The following TMEM42 variants were observed in gnomAD, a reference collection of about 807,000 sequenced individuals.
TMEM42 encodes transmembrane protein 42.
In TMEM42, 8 loss-of-function variants were observed where a neutral mutation model predicts 14.0. That is an observed-to-expected ratio of 0.57 (90% confidence interval 0.34 to 1.03). TMEM42 has a LOEUF of 1.03. Ranked by LOEUF, TMEM42 falls within the 50% of genes least tolerant of loss-of-function variation. TMEM42 has a pLI of 0.03. For synonymous variants in TMEM42, 115 were observed against 94.3 expected (o/e 1.22, Z -1.27); for missense variants, 211 against 219.8 (o/e 0.96, Z 0.25).
At chr3:44,864,735 C>T (rs1458770550) in intron 2 of TMEM42, among the ~76,000 whole-genome samples, 3 of 152,070 alleles carry the variant, frequency 2.0e-5, no homozygotes, top group Non-Finnish European at 2.9e-5. Context: ...TGGAGCTGAG[C>T]GTAGTCAATC....
chr3:44,863,942 T>C (rs778086800), intron 1 of TMEM42: 4 of 503,626 alleles, frequency 7.9e-6, no homozygotes, highest in Non-Finnish European at 1.1e-5. Context: ...GCATTTTGCT[T>C]CTTCCCAAGA....
At chr3:44,863,765 C>T (rs995294422) in intron 1 of TMEM42, 1 of 180,570 alleles carries the variant, frequency 5.5e-6, no homozygotes, top group Non-Finnish European at 1.2e-5. Flanking sequence ...ACAGAGCAGA[C>T]ATTGCTAATT....
chr3:44,864,375 C>A (rs761901692), intron 2 of TMEM42, 32 bp downstream of exon 2: 1 of 1,613,182 alleles, frequency 6.2e-7, no homozygotes, highest in Non-Finnish European at 8.5e-7. Context: ...TGCTCTTGTC[C>A]TAAATCTGGG....
intron 2 of TMEM42, 117 bp from the exon 3 acceptor site, chr3:44,864,923 A>G (rs1699303851): frequency 7.2e-7 from 1 of 1,386,968 alleles, no homozygotes. Flanking sequence ...TTCAAGCCCA[A>G]GGCTTCTGGC....
Position 44,864,353 on chromosome 3 carries a change from C to T in TMEM42, c.339+10C>T. On this transcript the variant is annotated intron_variant, in intron 2 of 2. Coordinates refer to ENST00000302392, the MANE Select transcript of TMEM42 (RefSeq NM_144638.3). ...AAATATCCTCAGCTCGGTGAGTAGC[C>T]TGAGGGTGTGGTGCTCTTGTCCTAA... 1 of 1,614,012 alleles carries T rather than the reference C, an allele frequency of 6.2e-7. No homozygotes were observed. The highest frequency in any genetic ancestry group is 8.5e-7 in the Non-Finnish European group (1 of 1,179,986).
At position 44,861,939 on chromosome 3, in the gene TMEM42, G is replaced by T; in HGVS notation, c.15G>T (p.Pro5=). Residue 5 remains proline, a synonymous_variant, in exon 1 of 3, where the codon CCG becomes CCT. Transcript: ENST00000302392. MAER[P]GPPGGAVSAT... ...CAGCAGGCAACATGGCCGAGAGGCCGGGGCCTCCGGGCGGCGCCGTGTCCG... is the reference window on the plus strand; with the variant it reads ...CAGCAGGCAACATGGCCGAGAGGCCTGGGCCTCCGGGCGGCGCCGTGTCCG... 7.0e-7 allele frequency: 1 copy of T among 1,422,904 alleles called. No homozygotes were observed. The highest frequency in any genetic ancestry group is 9.2e-7 in the Non-Finnish European group (1 of 1,091,286). 88.1% of individuals were successfully genotyped at this position (1,422,904 alleles called of 1,614,324 possible). A position where few individuals can be genotyped will look rare whatever the true frequency, so the allele number is the denominator to read the frequency against.
At chr3:44,864,955 C>A in intron 2 of TMEM42, 85 bp from the exon 3 acceptor site, 1 of 1,567,390 alleles carries the variant, frequency 6.4e-7, no homozygotes. Flanking sequence ...CCTCCTGGCA[C>A]CCTTAGAAGG....
At chr3:44,864,161 G>T (rs1699294522) in intron 1 of TMEM42, 36 bp from the exon 2 acceptor site, 1 of 1,612,068 alleles carries the variant, frequency 6.2e-7, no homozygotes, top group Non-Finnish European at 8.5e-7. Flanking sequence ...TTGCTGCCCA[G>T]GGTGGACGTG....
At chr3:44,862,155 G>A (rs2125738626) in intron 1 of TMEM42, 39 bp downstream of exon 1, 6 of 1,136,476 alleles carry the variant, frequency 5.3e-6, no homozygotes, top group East Asian at 3.9e-5. Context: ...TGCTGCGGGC[G>A]GGCGGGCGGG....
chr3:44,863,381 G>C lies in TMEM42; in HGVS notation c.193-816G>C, dbSNP rs1379233379. On this transcript the variant is annotated intron_variant, in intron 1 of 2. Transcript: ENST00000302392. ...GGGGGACTGCATATCCTTTGTGTAG[G>C]AGGCTTCTAAAGATCTTCTCTTCTC... The C allele has an allele frequency of 3.4e-5, 5 of 145,154 alleles. No homozygotes were observed. The East Asian group carries it at 1.1e-3, about 32-fold the overall frequency. 9.0% of individuals were successfully genotyped at this position (145,154 alleles called of 1,614,324 possible).
rs1699309177 is a variant in TMEM42, at chr3:44,865,275, G to T, written c.*95G>T. On this transcript the variant is annotated 3_prime_UTR_variant, in exon 3 of 3. Transcript: ENST00000302392. ...CTGTATCCTAGGGCGATCCAGTTGT[G>T]CAGCCTTCTGACCATCAGCCAAGGG... is the stretch of plus-strand genomic sequence containing the variant. The T allele has an allele frequency of 2.0e-6, 3 of 1,532,906 alleles. No homozygotes were observed. The highest frequency in any genetic ancestry group is 1.4e-5 in the African/African-American group (1 of 73,260). 95.0% of individuals were successfully genotyped at this position (1,532,906 alleles called of 1,614,324 possible).
Position 44,862,056 on chromosome 3 carries a change from G to A in TMEM42, c.132G>A (p.Leu44=). 7.5e-7 allele frequency: 1 copy of A among 1,328,842 alleles called. No homozygotes were observed. Among genetic ancestry groups the A allele is most frequent in the Non-Finnish European group, 9.7e-7 (1 of 1,033,708 alleles). 82.3% of individuals were successfully genotyped at this position (1,328,842 alleles called of 1,614,324 possible). Residue 44 remains leucine, a synonymous_variant, in exon 1 of 3, where the codon CTG becomes CTA. Coordinates refer to ENST00000302392, the MANE Select transcript of TMEM42 (RefSeq NM_144638.3). ...GCTTTTGGGGCGTATTCAACTGTCT[G>A]TGCGCCGGCGCGTTCGGGGCCCTGG... ...RRRFWGVFNC[L]CAGAFGALAA...
Position 44,865,106 on chromosome 3 carries a change from A to T in TMEM42, c.406A>T (p.Ile136Phe), listed in dbSNP as rs201924964. 30 of 1,614,006 alleles carry T rather than the reference A, an allele frequency of 1.9e-5. No individual in the cohort carries two copies. The East Asian group carries it at 6.5e-4, about 35-fold the overall frequency. ...CTTGTGGTGGGGAGGAGTGTTCCTT[A>T]TTCTCTGCGGACTCACCCTAATCCA... ...EVLWWGGVFLILCGLTLIHRK... is the reference protein window; with the variant it reads ...EVLWWGGVFLFLCGLTLIHRK... Residue 136 changes from isoleucine to phenylalanine, a missense_variant, in exon 3 of 3, where the codon ATT (isoleucine) becomes TTT (phenylalanine). Physicochemically the swap from Ile to Phe is conservative, Grantham distance 21 (BLOSUM62 0). Coordinates refer to ENST00000302392, the MANE Select transcript of TMEM42 (RefSeq NM_144638.3).
At position 44,865,243 on chromosome 3, in the gene TMEM42, T is replaced by C. The variant is rs963080926; in HGVS notation, c.*63T>C. On this transcript the variant is annotated 3_prime_UTR_variant, in exon 3 of 3. Transcript: ENST00000302392. Reference sequence around the variant, plus strand: ...ATGGTGGCCCAGCCTTGGGATGTCATGTGGGACTGTATCCTAGGGCGATCC... The same window carrying C: ...ATGGTGGCCCAGCCTTGGGATGTCACGTGGGACTGTATCCTAGGGCGATCC... 5 of 1,607,718 alleles carry C rather than the reference T, an allele frequency of 3.1e-6. No individual in the cohort carries two copies. Among genetic ancestry groups the C allele is most frequent in the East Asian group, 4.5e-5 (2 of 44,742 alleles).
chr3:44,864,936 C>A, intron 2 of TMEM42, 104 bp from the exon 3 acceptor site: 1 of 1,492,094 alleles, frequency 6.7e-7, no homozygotes, highest in Non-Finnish European at 9.1e-7. Context: ...CTTCTGGCTC[C>A]AGACCTTTCC....
At position 44,861,990 on chromosome 3, in the gene TMEM42, G is replaced by A. The variant is rs1699258308; in HGVS notation, c.66G>A (p.Ala22=). Residue 22 remains alanine, a synonymous_variant, in exon 1 of 3, where the codon GCG becomes GCA. Coordinates refer to ENST00000302392, the MANE Select transcript of TMEM42 (RefSeq NM_144638.3). The part of the protein sequence containing the change: ...VSATAYPDTP[A]EFPPHLQAGA... ...CGACCGCGTACCCTGACACCCCCGC[G>A]GAATTCCCTCCGCACCTCCAGGCGG... 2 of 1,384,906 alleles carry A rather than the reference G, an allele frequency of 1.4e-6. No homozygotes were observed. The highest frequency in any genetic ancestry group is 1.6e-5 in the South Asian group (1 of 60,942). 85.8% of individuals were successfully genotyped at this position (1,384,906 alleles called of 1,614,324 possible).
Position 44,864,280 on chromosome 3 carries a change from C to CA in TMEM42, c.277dup (p.Ser93LysfsTer73). ...TGTGGACCTTCTTTAGCCGGGGCCT[C>CA]AGTTTCTCCATGTCTTCAGCCATTG... is the stretch of plus-strand genomic sequence containing the variant. On this transcript the variant is annotated frameshift_variant, in exon 2 of 3. Transcript: ENST00000302392. LOFTEE classifies it high-confidence loss of function. The CA allele has an allele frequency of 6.2e-7, 1 of 1,614,196 alleles. No individual in the cohort carries two copies. The highest frequency in any genetic ancestry group is 8.5e-7 in the Non-Finnish European group (1 of 1,180,042).
At chr3:44,863,507 C>T (rs1467366062) in intron 1 of TMEM42, 1 of 152,166 alleles carries the variant, frequency 6.6e-6, no homozygotes, top group Non-Finnish European at 1.5e-5. Flanking sequence ...TTCCCTCAGG[C>T]AAGGCTGTGC....
At chr3:44,864,957 C>G in intron 2 of TMEM42, 83 bp from the exon 3 acceptor site, 2 of 1,570,962 alleles carry the variant, frequency 1.3e-6, no homozygotes, top group East Asian at 2.3e-5. Context: ...TCCTGGCACC[C>G]TTAGAAGGAA....
Sources: gnomAD v4.1 joint callset for allele counts (sites outside exome capture counted in the v4.1 genomes callset) on GRCh38, gnomAD v4.1.1 for gene constraint, MANE v1.5 for transcripts, NCBI Gene and HGNC (gene_info 2026-07-23, HGNC 2026-07-21) for gene names.